CADM2: variants seen among roughly 807,000 people sequenced by gnomAD.
CADM2 encodes immunoglobulin superfamily member 4D.
Under a neutral mutation model 49.8 loss-of-function variants are expected in CADM2, and 12 were observed. The observed-to-expected ratio is 0.24, with a 90% confidence interval of 0.15 to 0.39. The LOEUF is 0.39. Among genes scored for constraint, CADM2 ranks in the 10% least tolerant of loss-of-function variants. CADM2 has a pLI of 1.00. For missense variants in CADM2, 378 were observed against 492.3 expected, an observed-to-expected ratio of 0.77 and a Z score of 2.20; for synonymous variants, 214 against 175.4, an observed-to-expected ratio of 1.22 and a Z score of -1.74.
intron 1 of CADM2, among the ~76,000 whole-genome samples, chr3:85,424,328 A>G (rs1453083939): frequency 2.6e-5 from 4 of 151,432 alleles, no homozygotes; most frequent in Admixed American, 2.6e-4. Flanking sequence ...AAAATAATAT[A>G]TATGTCTTCT....
intron 1 of CADM2, among the ~76,000 whole-genome samples, chr3:85,139,385 A>AC (rs1342715215): frequency 6.6e-6 from 1 of 152,140 alleles, no homozygotes; most frequent in Non-Finnish European, 1.5e-5. Context: ...AGAAGTTTGA[A>AC]CTAAATGTCA....
At chr3:85,591,146 T>G (rs2063096616) in intron 1 of CADM2, among the ~76,000 whole-genome samples, 1 of 152,022 alleles carries the variant, frequency 6.6e-6, no homozygotes, top group South Asian at 2.1e-4. Context: ...TTTCCAGTTT[T>G]AGTCCTTTTA....
intron 1 of CADM2, among the ~76,000 whole-genome samples, chr3:85,181,061 C>T (rs1278840505): frequency 5.3e-5 from 8 of 151,974 alleles, no homozygotes; most frequent in African/African-American, 1.9e-4. Flanking sequence ...CAAAGAACTC[C>T]CAGAAATTCA....
intron 1 of CADM2, among the ~76,000 whole-genome samples, chr3:85,358,596 C>T (rs771564614): frequency 6.6e-6 from 1 of 151,954 alleles, no homozygotes; most frequent in Non-Finnish European, 1.5e-5. Flanking sequence ...TGCTATGATG[C>T]ATTAGACTGG....
intron 1 of CADM2, among the ~76,000 whole-genome samples, chr3:85,698,434 T>C (rs911462632): frequency 6.6e-6 from 1 of 152,192 alleles, no homozygotes; most frequent in African/African-American, 2.4e-5. Context: ...TGAGACTGGG[T>C]AATTTATAAA....
chr3:86,049,486 G>A (rs764264290), intron 8 of CADM2, among the ~76,000 whole-genome samples: 142 of 151,856 alleles, frequency 9.4e-4, no homozygotes, highest in Non-Finnish European at 1.3e-3. Context: ...ATGTTAGCCA[G>A]GATGGTCTTG....
intron 1 of CADM2, among the ~76,000 whole-genome samples, chr3:85,635,709 A>G: frequency 6.6e-6 from 1 of 152,320 alleles, no homozygotes; most frequent in Middle Eastern, 3.4e-3. Flanking sequence ...TTTAACAAAT[A>G]ATATATACAC....
At chr3:85,697,071 T>TATATATATATGAC (rs1553665815) in intron 1 of CADM2, among the ~76,000 whole-genome samples, 1 of 141,676 alleles carries the variant, frequency 7.1e-6, no homozygotes. Context: ...GTCTTAATTA[T>TATATATATATGAC]ATATATATAT....
At chr3:85,036,231 A>G (rs1031709858) in intron 1 of CADM2, among the ~76,000 whole-genome samples, 4 of 152,152 alleles carry the variant, frequency 2.6e-5, no homozygotes, top group Non-Finnish European at 5.9e-5. Context: ...CATCTCCAAC[A>G]TAATGTGCAG....
intron 7 of CADM2, among the ~76,000 whole-genome samples, chr3:85,940,658 T>C (rs575350541): frequency 6.6e-6 from 1 of 152,198 alleles, no homozygotes; most frequent in South Asian, 2.1e-4. Flanking sequence ...TAATTAATCA[T>C]TGAGATCTGT....
At chr3:86,056,113 C>T (rs1001268004) in intron 8 of CADM2, among the ~76,000 whole-genome samples, 2 of 152,174 alleles carry the variant, frequency 1.3e-5, no homozygotes, top group African/African-American at 4.8e-5. Context: ...TTTCACCTTC[C>T]TCCTGTTATC....
chr3:85,058,950 A>G (rs1329064792), intron 1 of CADM2, among the ~76,000 whole-genome samples: 1 of 151,720 alleles, frequency 6.6e-6, no homozygotes, highest in Non-Finnish European at 1.5e-5. Context: ...TACTAAAAAT[A>G]TATAGTATTC....
At chr3:85,405,859 A>G (rs2035348531) in intron 1 of CADM2, among the ~76,000 whole-genome samples, 1 of 151,880 alleles carries the variant, frequency 6.6e-6, no homozygotes. Flanking sequence ...ATATATGATT[A>G]TTATTAGAAT....
chr3:84,959,689 G>A, intron 1 of CADM2, 21 bp downstream of exon 1: 1 of 1,535,938 alleles, frequency 6.5e-7, no homozygotes, highest in Non-Finnish European at 8.7e-7. Context: ...CCCCGGCGCA[G>A]GGAACATCAA....
At chr3:85,129,984 T>C (rs1294820165) in intron 1 of CADM2, among the ~76,000 whole-genome samples, 2 of 152,296 alleles carry the variant, frequency 1.3e-5, no homozygotes, top group Admixed American at 6.5e-5. Flanking sequence ...ACAGGAACCA[T>C]GTATCAGAAT....
intron 1 of CADM2, among the ~76,000 whole-genome samples, chr3:85,406,747 AC>A (rs548310045): frequency 6.6e-6 from 1 of 151,440 alleles, no homozygotes; most frequent in South Asian, 2.1e-4. Context: ...TGCCAATTTC[AC>A]CTCTTGAATA....
At chr3:85,370,950 A>G (rs1296424754) in intron 1 of CADM2, among the ~76,000 whole-genome samples, 2 of 152,118 alleles carry the variant, frequency 1.3e-5, no homozygotes, top group Non-Finnish European at 2.9e-5. Context: ...TCAAAACAAA[A>G]TGAAACAAAA....
intron 2 of CADM2, among the ~76,000 whole-genome samples, chr3:85,788,851 T>G (rs964520454): frequency 6.6e-6 from 1 of 152,082 alleles, no homozygotes; most frequent in Non-Finnish European, 1.5e-5. Flanking sequence ...TTAATGATAC[T>G]TGCCTTTCAT....
intron 1 of CADM2, among the ~76,000 whole-genome samples, chr3:85,524,290 T>C (rs919910315): frequency 6.6e-6 from 1 of 152,132 alleles, no homozygotes; most frequent in Non-Finnish European, 1.5e-5. Context: ...TTCTAGTTTC[T>C]TAATATGAAT....
Sources: gnomAD v4.1 joint callset for allele counts (sites outside exome capture counted in the v4.1 genomes callset) on GRCh38, gnomAD v4.1.1 for gene constraint, MANE v1.5 for transcripts, NCBI Gene and HGNC (gene_info 2026-07-23, HGNC 2026-07-21) for gene names.